The following ARMC9 variants were observed in gnomAD, a reference collection of about 807,000 sequenced individuals.
The protein encoded by ARMC9 is armadillo repeat containing 9, also known as lisH domain-containing protein ARMC9.
A neutral mutation model predicts 107.0 loss-of-function variants in ARMC9; 94 were observed. The ratio of observed to expected loss-of-function variants is 0.88; its 90% CI spans 0.74 to 1.04. The LOEUF is 1.04. Ranked by LOEUF, ARMC9 falls within the 50% of genes least tolerant of loss-of-function variation. The pLI is 0.00. For synonymous variants in ARMC9, 380 were observed against 396.9 expected, an observed-to-expected ratio of 0.96 and a Z score of 0.51; for missense variants, 942 against 1,030.1, an observed-to-expected ratio of 0.91 and a Z score of 1.17.
intron 23 of ARMC9, among the ~76,000 whole-genome samples, chr2:231,364,945 CT>C (rs1411222525): frequency 6.6e-6 from 1 of 152,234 alleles, no homozygotes; most frequent in African/African-American, 2.4e-5. Context: ...GGCTGGGCCC[CT>C]ATCATTGGAT....
intron 17 of ARMC9, among the ~76,000 whole-genome samples, chr2:231,288,346 G>A (rs767465316): frequency 6.6e-6 from 1 of 152,088 alleles, no homozygotes; most frequent in Non-Finnish European, 1.5e-5. Context: ...TGGGTGGGGG[G>A]CCTGTGAGTA....
intron 23 of ARMC9, among the ~76,000 whole-genome samples, chr2:231,364,568 G>A (rs1013770105): frequency 3.4e-4 from 52 of 152,062 alleles, no homozygotes; most frequent in Admixed American, 2.0e-4. Flanking sequence ...AGGCCGAGGC[G>A]GGCGGATCAC....
chr2:231,249,178 C>G (rs1258347080), intron 9 of ARMC9, among the ~76,000 whole-genome samples: 1 of 152,170 alleles, frequency 6.6e-6, no homozygotes, highest in Admixed American at 6.5e-5. Context: ...CTGCTGCTGT[C>G]TCTACTTAGA....
At chr2:231,296,828 T>C (rs182996407) in intron 19 of ARMC9, among the ~76,000 whole-genome samples, 8 of 152,232 alleles carry the variant, frequency 5.3e-5, no homozygotes. Context: ...ACTCAGGGAC[T>C]GTAGTTGGAT....
intron 19 of ARMC9, among the ~76,000 whole-genome samples, chr2:231,320,794 T>A (rs901386978): frequency 2.0e-5 from 3 of 152,200 alleles, no homozygotes; most frequent in Non-Finnish European, 2.9e-5. Context: ...TCTTGTATCA[T>A]GTGTGCATTT....
Position 231,235,220 on chromosome 2 carries a change from C to G in ARMC9, c.623-4C>G, listed in dbSNP as rs1464886727. On this transcript the variant is annotated splice_polypyrimidine_tract_variant and splice_region_variant and intron_variant, in intron 7 of 24. Transcript: ENST00000611582. Reference sequence around the variant, plus strand: ...GATGTTGTTTGTTTTAACTGTCTTCCTAGAAATCTTGCAGCAGCTCCACCA... The same window carrying G: ...GATGTTGTTTGTTTTAACTGTCTTCGTAGAAATCTTGCAGCAGCTCCACCA... 8.1e-6 allele frequency: 13 copies of G among 1,608,394 alleles called. No individual in the cohort carries two copies. The highest frequency in any genetic ancestry group is 1.1e-5 in the Non-Finnish European group (13 of 1,177,886).
chr2:231,262,265 T>C (rs745717076), intron 11 of ARMC9, 41 bp from the exon 12 acceptor site: 8 of 1,592,672 alleles, frequency 5.0e-6, no homozygotes, highest in Non-Finnish European at 6.0e-6. Flanking sequence ...TTCTCCATGA[T>C]AAGACTTAGG....
At chr2:231,327,096 C>A (rs1004489180) in intron 19 of ARMC9, among the ~76,000 whole-genome samples, 1 of 152,088 alleles carries the variant, frequency 6.6e-6, no homozygotes, top group Non-Finnish European at 1.5e-5. Flanking sequence ...ATTTGTATTG[C>A]TCTTTGTAAT....
At chr2:231,295,057 A>G (rs912330155) in intron 18 of ARMC9, 5 of 152,186 alleles carry the variant, frequency 3.3e-5, no homozygotes, top group Non-Finnish European at 7.3e-5. Flanking sequence ...GTTTGATCAA[A>G]TGTGGGTGCA....
chr2:231,200,226 C>T (rs1318974895), intron 1 of ARMC9, among the ~76,000 whole-genome samples: 1 of 152,178 alleles, frequency 6.6e-6, no homozygotes, highest in Non-Finnish European at 1.5e-5. Context: ...TTCAAATTCT[C>T]AGAAACTCAC....
At chr2:231,309,036 A>C (rs566502917) in intron 19 of ARMC9, among the ~76,000 whole-genome samples, 54 of 152,358 alleles carry the variant, frequency 3.5e-4, no homozygotes, top group Admixed American at 6.5e-4. Context: ...TTATTTAACC[A>C]AGTCAATAAA....
chr2:231,224,473 AG>A (rs547967336), intron 6 of ARMC9, among the ~76,000 whole-genome samples: 136 of 152,354 alleles, frequency 8.9e-4, no homozygotes, highest in African/African-American at 3.1e-3. Context: ...GAATAAAAAA[AG>A]ATCATAGTAC....
intron 15 of ARMC9, among the ~76,000 whole-genome samples, chr2:231,278,126 A>T (rs180700210): frequency 5.6e-4 from 85 of 152,266 alleles, no homozygotes; most frequent in Non-Finnish European, 1.1e-3. Flanking sequence ...TCTATGCTAC[A>T]CTGAGTCCTT....
intron 23 of ARMC9, among the ~76,000 whole-genome samples, chr2:231,368,460 A>T (rs78433174): frequency 0.015 from 2,293 of 152,292 alleles, 59 homozygotes; most frequent in African/African-American, 0.052. Flanking sequence ...CAACTCTTGT[A>T]AATGCTAACG....
rs925423511 is a variant in ARMC9, at chr2:231,302,448, T to G, written c.1773+6195T>G. On this transcript the variant is annotated intron_variant, in intron 19 of 24. Coordinates refer to ENST00000611582, the MANE Select transcript of ARMC9 (RefSeq NM_001352754.2). Reference sequence around the variant, plus strand: ...AGCATTGTGGGTTTGTTTTTTTTTTTTTTTTTTTTTTTTTGCCAATCTCTT... The same window carrying G: ...AGCATTGTGGGTTTGTTTTTTTTTTGTTTTTTTTTTTTTTGCCAATCTCTT... Among the ~76,000 whole-genome samples the G allele has an allele frequency of 3.4e-4, 49 of 143,176 alleles. 2 individuals carry two copies. The highest frequency in any genetic ancestry group is 2.8e-4 in the African/African-American group (11 of 38,620). 93.9% of individuals were successfully genotyped at this position (143,176 alleles called of 152,430 possible). A position where few individuals can be genotyped will look rare whatever the true frequency, so the allele number is the denominator to read the frequency against.
chr2:231,273,530 C>T (rs2125437926), intron 14 of ARMC9, among the ~76,000 whole-genome samples: 1 of 152,202 alleles, frequency 6.6e-6, no homozygotes, highest in East Asian at 1.9e-4. Flanking sequence ...GCAGCCCACC[C>T]CATGGGATCA....
At chr2:231,201,144 C>G (rs894646259) in intron 1 of ARMC9, among the ~76,000 whole-genome samples, 3 of 152,096 alleles carry the variant, frequency 2.0e-5, no homozygotes, top group African/African-American at 7.2e-5. Flanking sequence ...AGGTGGGTGT[C>G]CCCCAGGAGC....
chr2:231,256,230 A>G (rs931148287), intron 9 of ARMC9: 1 of 1,537,134 alleles, frequency 6.5e-7, no homozygotes. Context: ...ATCATCCGCA[A>G]TGTAAAAGGC....
intron 3 of ARMC9, among the ~76,000 whole-genome samples, chr2:231,210,928 C>A (rs997179055): frequency 6.6e-6 from 1 of 152,154 alleles, no homozygotes; most frequent in Admixed American, 6.5e-5. Flanking sequence ...TCCCCCTAGG[C>A]CTTGGCAGCC....
Sources: allele counts gnomAD v4.1 joint callset (sites outside exome capture counted in the v4.1 genomes callset), GRCh38; gene constraint gnomAD v4.1.1; transcripts MANE v1.5; gene names NCBI Gene and HGNC (gene_info 2026-07-23, HGNC 2026-07-21).